The following MEMO1 variants were observed in gnomAD, a reference collection of about 807,000 sequenced individuals.
The protein encoded by MEMO1 is protein MEMO1.
Under a neutral mutation model 45.2 loss-of-function variants are expected in MEMO1, and 6 were observed. The observed-to-expected ratio is 0.13, with a 90% confidence interval of 0.07 to 0.26. The LOEUF (loss-of-function observed/expected upper bound fraction) is 0.26, where lower values mean the gene tolerates loss of function less well. Ranked by LOEUF, MEMO1 falls within the 10% of genes least tolerant of loss-of-function variation. MEMO1 has a pLI of 1.00. For missense variants in MEMO1, 184 were observed against 370.5 expected, an observed-to-expected ratio of 0.50 and a Z score of 4.13; for synonymous variants, 78 against 124.3, an observed-to-expected ratio of 0.63 and a Z score of 2.48.
chr2:31,952,319 T>A (rs1666932174), intron 2 of MEMO1, among the ~76,000 whole-genome samples: 1 of 152,174 alleles, frequency 6.6e-6, no homozygotes, highest in Admixed American at 6.5e-5. Context: ...AGAGGGCAAT[T>A]AACAATCCCA....
chr2:31,874,039 T>C (rs1480686266), intron 8 of MEMO1, among the ~76,000 whole-genome samples: 3 of 152,064 alleles, frequency 2.0e-5, no homozygotes, highest in Non-Finnish European at 2.9e-5. Flanking sequence ...GAAAAGTAGT[T>C]CACATTCAAA....
intron 2 of MEMO1, among the ~76,000 whole-genome samples, chr2:31,968,069 G>A (rs908682006): frequency 6.6e-6 from 1 of 152,130 alleles, no homozygotes; most frequent in Non-Finnish European, 1.5e-5. Context: ...CAAAAGTCAG[G>A]AGTCCTGTGT....
intron 6 of MEMO1, chr2:31,893,344 G>A: frequency 8.6e-7 from 1 of 1,158,098 alleles, no homozygotes; most frequent in Non-Finnish European, 1.1e-6. Context: ...AGAAAAAAAG[G>A]AAGCTGGCAG....
At position 31,912,100 on chromosome 2, in the gene MEMO1, G is replaced by A. The variant is rs548974690; in HGVS notation, c.437+5826C>T. Among the ~76,000 whole-genome samples, 7 of 152,208 alleles carry A rather than the reference G, an allele frequency of 4.6e-5. No homozygotes were observed. The South Asian group carries it at 1.0e-3, about 23-fold the overall frequency. The stretch of plus-strand genomic sequence containing the variant: ...TATAACCCTAGCACTTTGGGAGGCC[G>A]AGGGCGGGTGGATCACTTGAGGTCA... On this transcript the variant is annotated intron_variant, in intron 6 of 9. Transcript: ENST00000404530.
chr2:32,003,548 A>G (rs1673671963), intron 2 of MEMO1, among the ~76,000 whole-genome samples: 1 of 152,236 alleles, frequency 6.6e-6, no homozygotes, highest in African/African-American at 2.4e-5. Context: ...CAACAAAAAA[A>G]ATTTAATGTA....
chr2:31,887,861 AGACT>A lies in MEMO1; in HGVS notation c.580+4127_580+4130del, dbSNP rs1406802377. On this transcript the variant is annotated intron_variant, in intron 7 of 9. Transcript: ENST00000404530. ...AAATAGCAACAGCCTTATACCCAAGAGACTGACAGAAAGGAAGAGTATGCATGAA... is the reference window on the plus strand; with the variant it reads ...AAATAGCAACAGCCTTATACCCAAGAGACAGAAAGGAAGAGTATGCATGAA... Among the ~76,000 whole-genome samples the A allele has an allele frequency of 3.9e-5, 6 of 152,292 alleles. No homozygotes were observed. In the East Asian group the frequency reaches 1.2e-3, roughly 29 times the overall value.
At chr2:31,875,690 T>C (rs1418164101) in intron 8 of MEMO1, among the ~76,000 whole-genome samples, 1 of 151,798 alleles carries the variant, frequency 6.6e-6, no homozygotes, top group Non-Finnish European at 1.5e-5. Context: ...ACTTCCTTTA[T>C]TTTTTTTCTT....
intron 4 of MEMO1, among the ~76,000 whole-genome samples, 195 bp from the exon 5 acceptor site, chr2:31,921,105 A>G (rs2148178580): frequency 6.6e-6 from 1 of 152,308 alleles, no homozygotes; most frequent in East Asian, 1.9e-4. Flanking sequence ...CTGTAGTGCT[A>G]TTTAGAGATA....
rs932233265 is a variant in MEMO1, at chr2:31,937,108, T to C, written c.144-4973A>G. Among the ~76,000 whole-genome samples the C allele has an allele frequency of 1.3e-5, 2 of 152,330 alleles. 1 individual carries two copies. Among genetic ancestry groups the C allele is most frequent in the South Asian group, 4.1e-4 (2 of 4,832 alleles). On this transcript the variant is annotated intron_variant, in intron 3 of 9. Transcript: ENST00000404530. ...GCAGCTTCCACATTGCCTCTCTCAA[T>C]TTAATTTTGCTGTACCTAGTCTTTT...
At chr2:31,966,357 T>A (rs1668611501) in intron 2 of MEMO1, among the ~76,000 whole-genome samples, 3 of 152,180 alleles carry the variant, frequency 2.0e-5, no homozygotes, top group South Asian at 4.1e-4. Flanking sequence ...CGGTGATCTG[T>A]CATTAGAGTT....
At chr2:31,904,755 A>C (rs1679418300) in intron 6 of MEMO1, among the ~76,000 whole-genome samples, 1 of 152,226 alleles carries the variant, frequency 6.6e-6, no homozygotes. Flanking sequence ...GGTGGTCATG[A>C]AAGTTTCAAA....
intron 8 of MEMO1, among the ~76,000 whole-genome samples, chr2:31,878,445 G>A (rs535454357): frequency 6.6e-6 from 1 of 151,996 alleles, no homozygotes; most frequent in South Asian, 2.1e-4. Context: ...AGAATACCAG[G>A]GTAGGTCTAA....
chr2:31,890,417 T>C (rs1394002306), intron 7 of MEMO1, among the ~76,000 whole-genome samples: 2 of 152,272 alleles, frequency 1.3e-5, no homozygotes, highest in East Asian at 3.9e-4. Flanking sequence ...TTTGCAGTAA[T>C]GATACTTAAG....
chr2:31,963,718 T>C (rs779506822), intron 2 of MEMO1, among the ~76,000 whole-genome samples: 7 of 152,138 alleles, frequency 4.6e-5, no homozygotes, highest in Non-Finnish European at 8.8e-5. Flanking sequence ...TGGCTGCCAA[T>C]AGCACCACAC....
chr2:31,912,028 G>A (rs1040121892), intron 6 of MEMO1, among the ~76,000 whole-genome samples: 15 of 151,958 alleles, frequency 9.9e-5, no homozygotes, highest in Non-Finnish European at 2.1e-4. Context: ...CCTCCCTCAA[G>A]AGCAATTATA....
chr2:31,891,234 A>G (rs1676931453), intron 7 of MEMO1, among the ~76,000 whole-genome samples: 1 of 152,200 alleles, frequency 6.6e-6, no homozygotes, highest in South Asian at 2.1e-4. Flanking sequence ...CCAATAAATT[A>G]ATAGGTCAAA....
chr2:31,982,520 G>A (rs1361679252), intron 2 of MEMO1, among the ~76,000 whole-genome samples: 1 of 149,938 alleles, frequency 6.7e-6, no homozygotes, highest in African/African-American at 2.5e-5. Context: ...AACCCAGGAG[G>A]CAGAGGTTGC....
At chr2:31,873,541 A>T (rs1312375999) in intron 8 of MEMO1, among the ~76,000 whole-genome samples, 2 of 152,124 alleles carry the variant, frequency 1.3e-5, no homozygotes, top group East Asian at 3.8e-4. Context: ...TTCCCTCTTT[A>T]AAAAAGTTTA....
intron 8 of MEMO1, among the ~76,000 whole-genome samples, chr2:31,878,137 C>G (rs1402794143): frequency 6.6e-6 from 1 of 152,060 alleles, no homozygotes; most frequent in Non-Finnish European, 1.5e-5. Flanking sequence ...GAGAGCTAAG[C>G]AAAACGGGCA....
Sources: gnomAD v4.1 joint callset for allele counts (sites outside exome capture counted in the v4.1 genomes callset) on GRCh38, gnomAD v4.1.1 for gene constraint, MANE v1.5 for transcripts, NCBI Gene and HGNC (gene_info 2026-07-23, HGNC 2026-07-21) for gene names.